TSHR: variants seen among roughly 807,000 people sequenced by gnomAD.
The protein encoded by TSHR is thyroid stimulating hormone receptor.
Under a neutral mutation model 64.1 loss-of-function variants are expected in TSHR, and 51 were observed. The observed-to-expected ratio is 0.80, with a 90% confidence interval of 0.64 to 1.01. TSHR has a LOEUF of 1.01. Among genes scored for constraint, TSHR ranks in the 50% least tolerant of loss-of-function variants. The probability of loss-of-function intolerance (pLI) is 0.00; values close to 1 mark genes in which losing one functional copy is unlikely to be tolerated. For missense variants in TSHR, 877 were observed against 942.8 expected (o/e 0.93, Z 0.91); for synonymous variants, 361 against 361.9 (o/e 1.00, Z 0.03).
intron 1 of TSHR, among the ~76,000 whole-genome samples, chr14:80,972,319 G>C (rs1433964001): frequency 6.6e-6 from 1 of 151,860 alleles, no homozygotes; most frequent in Non-Finnish European, 1.5e-5. Flanking sequence ...TTATGTGTTT[G>C]TATCAGCTTT....
chr14:80,960,796 T>C (rs1886981530), intron 1 of TSHR, among the ~76,000 whole-genome samples: 1 of 152,216 alleles, frequency 6.6e-6, no homozygotes, highest in Non-Finnish European at 1.5e-5. Context: ...GACCAGGCTT[T>C]GAAAATAGGC....
chr14:80,999,677 T>C (rs887969585), intron 1 of TSHR, among the ~76,000 whole-genome samples: 1 of 152,224 alleles, frequency 6.6e-6, no homozygotes, highest in African/African-American at 2.4e-5. Flanking sequence ...TCTCTGGGTC[T>C]AGAAAATGCC....
At chr14:81,083,470 A>T (rs947451620) in intron 3 of TSHR, among the ~76,000 whole-genome samples, 5 of 87,958 alleles carry the variant, frequency 5.7e-5, no homozygotes, top group African/African-American at 4.6e-4. Flanking sequence ...ACCTCATTTA[A>T]AAAAAAAAAA....
chr14:81,087,256 A>AATC (rs1350897746), intron 3 of TSHR, among the ~76,000 whole-genome samples: 8 of 152,220 alleles, frequency 5.3e-5, no homozygotes, highest in African/African-American at 1.9e-4. Context: ...TCTTTTAGCC[A>AATC]ATCAACCTAT....
At chr14:80,974,974 C>T (rs992454351) in intron 1 of TSHR, among the ~76,000 whole-genome samples, 2 of 152,182 alleles carry the variant, frequency 1.3e-5, no homozygotes, top group African/African-American at 4.8e-5. Context: ...CAGTGGAAGT[C>T]AGGAGACCTT....
At chr14:80,978,350 T>C (rs969256629) in intron 1 of TSHR, among the ~76,000 whole-genome samples, 4 of 152,314 alleles carry the variant, frequency 2.6e-5, no homozygotes, top group African/African-American at 9.6e-5. Flanking sequence ...TCCTGCTTTC[T>C]CAGACCAATT....
At chr14:81,025,642 G>A (rs1419975077) in intron 1 of TSHR, among the ~76,000 whole-genome samples, 3 of 152,116 alleles carry the variant, frequency 2.0e-5, no homozygotes, top group Non-Finnish European at 4.4e-5. Flanking sequence ...AATTATATGT[G>A]AGACATTCAA....
At chr14:81,093,032 A>G (rs1356703565) in intron 6 of TSHR, among the ~76,000 whole-genome samples, 3 of 152,234 alleles carry the variant, frequency 2.0e-5, no homozygotes, top group Admixed American at 6.5e-5. Flanking sequence ...TGGAATAATC[A>G]TCTGTATCCA....
intron 8 of TSHR, among the ~76,000 whole-genome samples, chr14:81,115,299 G>C (rs199976401): frequency 6.6e-6 from 1 of 150,440 alleles, no homozygotes; most frequent in Admixed American, 6.6e-5. Context: ...TTAGAAGAAT[G>C]TATAACGAGA....
intron 6 of TSHR, among the ~76,000 whole-genome samples, 154 bp downstream of exon 6, chr14:81,092,762 T>C (rs1192169844): frequency 6.6e-6 from 1 of 152,180 alleles, no homozygotes; most frequent in Non-Finnish European, 1.5e-5. Flanking sequence ...TATTGTCTTA[T>C]GGGATGGTAC....
At chr14:81,140,050 A>G (rs1891620918) in intron 9 of TSHR, among the ~76,000 whole-genome samples, 183 bp downstream of exon 9, 1 of 152,230 alleles carries the variant, frequency 6.6e-6, no homozygotes, top group African/African-American at 2.4e-5. Flanking sequence ...GGTGCAGCTG[A>G]GAAATAAGGC....
intron 3 of TSHR, among the ~76,000 whole-genome samples, chr14:81,083,439 C>T (rs2139953167): frequency 6.7e-6 from 1 of 150,158 alleles, no homozygotes; most frequent in Admixed American, 6.6e-5. Context: ...ATTTTTAGTT[C>T]TGCTGGATGA....
intron 1 of TSHR, among the ~76,000 whole-genome samples, chr14:81,000,647 A>C (rs1385697545): frequency 6.6e-6 from 1 of 152,144 alleles, no homozygotes; most frequent in Non-Finnish European, 1.5e-5. Context: ...CCTGATTCAT[A>C]GCCTCTTCGT....
In TSHR at chr14:81,145,123, C is replaced by T; in HGVS notation, c.*770C>T. The T allele has an allele frequency of 8.6e-6, 2 of 233,098 alleles. No individual in the cohort carries two copies. The highest frequency in any genetic ancestry group is 2.6e-3 in the Middle Eastern group (2 of 778). The allele number at this position is 233,098 out of a possible 1,614,324, so 14.4% of individuals were successfully genotyped here. On this transcript the variant is annotated 3_prime_UTR_variant, in exon 10 of 10. Coordinates refer to ENST00000298171, the MANE Select transcript of TSHR (RefSeq NM_000369.5). ...AACTCTAGGAAGTCTTTCTGAGTAGCAATAAGTGGGAATTATGGGCAGAGC... is the reference window on the plus strand; with the variant it reads ...AACTCTAGGAAGTCTTTCTGAGTAGTAATAAGTGGGAATTATGGGCAGAGC...
At chr14:81,087,104 C>T (rs1888338498) in intron 3 of TSHR, among the ~76,000 whole-genome samples, 1 of 152,140 alleles carries the variant, frequency 6.6e-6, no homozygotes. Flanking sequence ...TTAAAAATTA[C>T]AGAGGTCACA....
At position 81,145,811 on chromosome 14, in the gene TSHR, T is replaced by C; in HGVS notation, c.*1458T>C. 4.3e-6 allele frequency: 1 copy of C among 233,012 alleles called. No homozygotes were observed. Among genetic ancestry groups the C allele is most frequent in the Non-Finnish European group, 8.5e-6 (1 of 117,892 alleles). The allele number at this position is 233,012 out of a possible 1,614,324, so 14.4% of individuals were successfully genotyped here. A position where few individuals can be genotyped will look rare whatever the true frequency, so the allele number is the denominator to read the frequency against. ...TTTATCTACAGATGTACTCTCCAGGTTACCTGTGATGATAGCCCCCTAATG... is the reference window on the plus strand; with the variant it reads ...TTTATCTACAGATGTACTCTCCAGGCTACCTGTGATGATAGCCCCCTAATG... On this transcript the variant is annotated 3_prime_UTR_variant, in exon 10 of 10. Coordinates refer to ENST00000298171, the MANE Select transcript of TSHR (RefSeq NM_000369.5).
intron 1 of TSHR, among the ~76,000 whole-genome samples, chr14:81,022,044 C>T (rs1489687157): frequency 1.4e-5 from 2 of 147,846 alleles, no homozygotes; most frequent in African/African-American, 2.5e-5. Context: ...GGGCAGATCA[C>T]GAGGTCAGGA....
chr14:81,010,253 C>A (rs1455759348), intron 1 of TSHR, among the ~76,000 whole-genome samples: 2 of 152,072 alleles, frequency 1.3e-5, no homozygotes, highest in African/African-American at 2.4e-5. Flanking sequence ...TATCTCTTCC[C>A]AGTTTATAAC....
chr14:81,125,194 T>A (rs982117455), intron 8 of TSHR, among the ~76,000 whole-genome samples: 2 of 152,146 alleles, frequency 1.3e-5, no homozygotes, highest in African/African-American at 4.8e-5. Context: ...AAAGCTTTAT[T>A]AAAGGAGATA....
Sources: gnomAD v4.1 joint callset for allele counts (sites outside exome capture counted in the v4.1 genomes callset) on GRCh38, gnomAD v4.1.1 for gene constraint, MANE v1.5 for transcripts, NCBI Gene and HGNC (gene_info 2026-07-23, HGNC 2026-07-21) for gene names.